TCF4: variants seen among roughly 807,000 people sequenced by gnomAD.
TCF4 encodes the protein SL3-3 enhancer factor 2.
Under a neutral mutation model 82.1 loss-of-function variants are expected in TCF4, and 3 were observed. The ratio of observed to expected loss-of-function variants is 0.04; its 90% CI spans 0.02 to 0.09. The LOEUF (loss-of-function observed/expected upper bound fraction) is 0.09. Among genes scored for constraint, TCF4 ranks in the 10% least tolerant of loss-of-function variants. The probability of loss-of-function intolerance (pLI) is 1.00; values close to 1 mark genes in which losing one functional copy is unlikely to be tolerated. For missense variants in TCF4, 518 were observed against 852.7 expected, an observed-to-expected ratio of 0.61 and a Z score of 4.89; for synonymous variants, 276 against 309.6, an observed-to-expected ratio of 0.89 and a Z score of 1.14.
chr18:55,587,441 GAA>G (rs910576098), intron 1 of TCF4, among the ~76,000 whole-genome samples: 1 of 76,084 alleles, frequency 1.3e-5, no homozygotes, highest in Non-Finnish European at 2.6e-5. Flanking sequence ...ATCAGGGAAA[GAA>G]AAAAAAAAAG....
At chr18:55,384,843 G>A (rs914044028) in intron 6 of TCF4, among the ~76,000 whole-genome samples, 1 of 152,126 alleles carries the variant, frequency 6.6e-6, no homozygotes, top group Non-Finnish European at 1.5e-5. Context: ...GAATGAATCA[G>A]AAAGTAGAGC....
chr18:55,567,916 A>T (rs2097424100), intron 3 of TCF4, among the ~76,000 whole-genome samples: 1 of 152,188 alleles, frequency 6.6e-6, no homozygotes, highest in Non-Finnish European at 1.5e-5. Context: ...ATTGTAATAG[A>T]GGTCAATAAT....
intron 5 of TCF4, among the ~76,000 whole-genome samples, chr18:55,438,448 C>G (rs761907640): frequency 5.3e-5 from 8 of 152,036 alleles, no homozygotes; most frequent in African/African-American, 1.2e-4. Context: ...AAAAAGCCAA[C>G]CAAACTGCAA....
intron 8 of TCF4, among the ~76,000 whole-genome samples, chr18:55,336,117 A>G (rs1209416106): frequency 6.6e-6 from 1 of 152,126 alleles, no homozygotes; most frequent in African/African-American, 2.4e-5. Context: ...AATCAAGAGC[A>G]TCTATTCTCT....
chr18:55,572,358 CA>C (rs2097481560), intron 3 of TCF4, among the ~76,000 whole-genome samples: 1 of 152,072 alleles, frequency 6.6e-6, no homozygotes, highest in Non-Finnish European at 1.5e-5. Flanking sequence ...AATGGACTAA[CA>C]AGTATCCTGA....
chr18:55,586,341 G>T, intron 2 of TCF4: 1 of 642,756 alleles, frequency 1.6e-6, no homozygotes, highest in Non-Finnish European at 2.7e-6. Context: ...CATTAAAAAT[G>T]AATTCATTCT....
intron 6 of TCF4, among the ~76,000 whole-genome samples, chr18:55,357,095 T>C (rs2083743656): frequency 1.3e-5 from 2 of 152,164 alleles, no homozygotes; most frequent in African/African-American, 4.8e-5. Flanking sequence ...GTTGGCCAGG[T>C]TTACGCATAT....
chr18:55,308,870 A>G (rs2071259084), intron 8 of TCF4, among the ~76,000 whole-genome samples: 1 of 152,222 alleles, frequency 6.6e-6, no homozygotes. Context: ...CTATTCTGTC[A>G]TGACCCACAT....
At chr18:55,353,619 G>GA (rs1368413987) in intron 6 of TCF4, among the ~76,000 whole-genome samples, 2 of 152,240 alleles carry the variant, frequency 1.3e-5, no homozygotes, top group African/African-American at 4.8e-5. Flanking sequence ...TTATTGTAGA[G>GA]TATACTTATA....
intron 3 of TCF4, among the ~76,000 whole-genome samples, chr18:55,469,241 A>G (rs1162288478): frequency 6.6e-6 from 1 of 152,150 alleles, no homozygotes; most frequent in Non-Finnish European, 1.5e-5. Context: ...AGGCGGGCAG[A>G]TCAGCTGAGG....
chr18:55,388,803 C>G (rs2092816885), intron 6 of TCF4, among the ~76,000 whole-genome samples: 1 of 152,168 alleles, frequency 6.6e-6, no homozygotes, highest in African/African-American at 2.4e-5. Context: ...ATCTCAGTTT[C>G]TTTATCAATA....
At chr18:55,346,516 A>T (rs2081215567) in intron 8 of TCF4, among the ~76,000 whole-genome samples, 1 of 152,192 alleles carries the variant, frequency 6.6e-6, no homozygotes, top group Non-Finnish European at 1.5e-5. Flanking sequence ...CAGCTTTAGG[A>T]AAGATCACTG....
chr18:55,421,348 G>GA (rs1265454103), intron 5 of TCF4, among the ~76,000 whole-genome samples: 2 of 152,012 alleles, frequency 1.3e-5, no homozygotes, highest in Non-Finnish European at 2.9e-5. Context: ...ACATACAAGG[G>GA]AAAAAAGATT....
At chr18:55,623,042 A>T (rs1603625617) in intron 2 of TCF4, among the ~76,000 whole-genome samples, 1 of 152,140 alleles carries the variant, frequency 6.6e-6, no homozygotes, top group Non-Finnish European at 1.5e-5. Context: ...ATAGCTAATA[A>T]AATTGTGAAT....
At chr18:55,315,915 T>C (rs967701938) in intron 8 of TCF4, among the ~76,000 whole-genome samples, 2 of 152,130 alleles carry the variant, frequency 1.3e-5, no homozygotes, top group Non-Finnish European at 2.9e-5. Context: ...ATTATAAATG[T>C]TTTATGAATA....
chr18:55,545,553 A>G (rs925867280), intron 3 of TCF4, among the ~76,000 whole-genome samples: 1 of 152,032 alleles, frequency 6.6e-6, no homozygotes, highest in Admixed American at 6.5e-5. Context: ...GGTTCAAGCA[A>G]TTCTCCTACC....
chr18:55,571,437 G>C (rs1421436665), intron 3 of TCF4, among the ~76,000 whole-genome samples: 1 of 152,208 alleles, frequency 6.6e-6, no homozygotes, highest in African/African-American at 2.4e-5. Context: ...ATAGGGGAAG[G>C]TGGACAGGGA....
At chr18:55,293,428 T>C (rs2065597213) in intron 8 of TCF4, among the ~76,000 whole-genome samples, 1 of 152,156 alleles carries the variant, frequency 6.6e-6, no homozygotes, top group African/African-American at 2.4e-5. Flanking sequence ...ATGTTCTTCA[T>C]TCCACCAAGA....
intron 8 of TCF4, among the ~76,000 whole-genome samples, chr18:55,295,260 A>G (rs1186718426): frequency 1.3e-5 from 2 of 152,192 alleles, no homozygotes; most frequent in African/African-American, 4.8e-5. Flanking sequence ...GAAATCTCCC[A>G]GGCTGCAGGT....
Sources: allele counts gnomAD v4.1 joint callset (sites outside exome capture counted in the v4.1 genomes callset), GRCh38; gene constraint gnomAD v4.1.1; transcripts MANE v1.5; gene names NCBI Gene and HGNC (gene_info 2026-07-23, HGNC 2026-07-21).